Variants in IL1RAPL2 observed in about 807,000 individuals in gnomAD.
The protein encoded by IL1RAPL2 is X-linked interleukin-1 receptor accessory protein-like 2.
A neutral mutation model predicts 44.1 loss-of-function variants in IL1RAPL2; 3 were observed. The ratio of observed to expected loss-of-function variants is 0.07; its 90% CI spans 0.03 to 0.18. IL1RAPL2 has a LOEUF of 0.18. Among genes scored for constraint, IL1RAPL2 ranks in the 10% least tolerant of loss-of-function variants. The pLI is 1.00. For synonymous variants in IL1RAPL2, 181 were observed against 178.8 expected, an observed-to-expected ratio of 1.01 and a Z score of -0.10; for missense variants, 391 against 496.4, an observed-to-expected ratio of 0.79 and a Z score of 2.02.
chrX:104,629,266 C>T (rs1929584251), intron 1 of IL1RAPL2, among the ~76,000 whole-genome samples: 1 of 111,626 alleles, frequency 9.0e-6, no homozygotes, highest in African/African-American at 3.2e-5. Context: ...ATTTGCATTT[C>T]CATGATGATT....
rs1355717550 is a variant in IL1RAPL2 at position 104,720,710 on chromosome X, T to TA, written c.82+61716dup. Among the ~76,000 whole-genome samples, 20 of 111,842 alleles carry TA rather than the reference T, an allele frequency of 1.8e-4. No homozygotes were observed. The East Asian group carries it at 5.7e-3, about 32-fold the overall frequency. On this transcript the variant is annotated intron_variant, in intron 2 of 10. Coordinates refer to ENST00000372582, the MANE Select transcript of IL1RAPL2 (RefSeq NM_017416.2). ...AACAGCTTTGCTGTACCTTGAACTA[T>TA]ACCCCTTTATGGTTCATGTAGCAGG...
chrX:104,906,229 A>G (rs943530199), intron 2 of IL1RAPL2, among the ~76,000 whole-genome samples: 30 of 111,628 alleles, frequency 2.7e-4, no homozygotes, highest in Non-Finnish European at 5.5e-4. Flanking sequence ...TTTTGTAGAT[A>G]TACAATCATG....
chrX:105,538,268 C>A (rs1277658472), intron 6 of IL1RAPL2, among the ~76,000 whole-genome samples: 1 of 109,676 alleles, frequency 9.1e-6, no homozygotes, highest in African/African-American at 3.3e-5. Context: ...GATCTCCTGA[C>A]CTCGTGATCT....
At chrX:105,576,665 C>T (rs1029757618) in intron 6 of IL1RAPL2, among the ~76,000 whole-genome samples, 2 of 111,830 alleles carry the variant, frequency 1.8e-5, no homozygotes, top group African/African-American at 6.5e-5. Context: ...GCAACACCTA[C>T]ATGACCCTAC....
At chrX:105,511,091 G>A (rs1463586394) in intron 6 of IL1RAPL2, among the ~76,000 whole-genome samples, 2 of 111,761 alleles carry the variant, frequency 1.8e-5, no homozygotes, top group Non-Finnish European at 1.9e-5. Flanking sequence ...CACTAGTGAA[G>A]TTGACCACTC....
intron 1 of IL1RAPL2, among the ~76,000 whole-genome samples, chrX:104,573,016 T>C (rs1928176113): frequency 8.9e-6 from 1 of 112,207 alleles, no homozygotes; most frequent in African/African-American, 3.2e-5. Flanking sequence ...TCTACTAAAT[T>C]TTAAACTTTT....
intron 6 of IL1RAPL2, among the ~76,000 whole-genome samples, chrX:105,641,321 G>T (rs1385089403): frequency 9.0e-6 from 1 of 110,990 alleles, no homozygotes; most frequent in Admixed American, 9.7e-5. Context: ...TTTTCTCTAT[G>T]CCAGGCACTC....
chrX:104,752,274 C>T (rs1009533924), intron 2 of IL1RAPL2, among the ~76,000 whole-genome samples: 11 of 104,237 alleles, frequency 1.1e-4, no homozygotes, highest in Non-Finnish European at 1.9e-4. Flanking sequence ...GTAATGTTGG[C>T]GTGAGAGTGT....
chrX:104,952,801 T>C (rs950798698), intron 2 of IL1RAPL2, among the ~76,000 whole-genome samples: 2 of 112,409 alleles, frequency 1.8e-5, no homozygotes, highest in African/African-American at 6.5e-5. Flanking sequence ...TAATTTAGCA[T>C]TTTATTCAGA....
chrX:105,643,380 C>A (rs776517334), intron 6 of IL1RAPL2, among the ~76,000 whole-genome samples: 1 of 111,529 alleles, frequency 9.0e-6, no homozygotes, highest in African/African-American at 3.3e-5. Context: ...CTGGTTGAAA[C>A]GGGCAAGCAG....
intron 2 of IL1RAPL2, among the ~76,000 whole-genome samples, chrX:104,816,969 T>C (rs1921153568): frequency 1.8e-5 from 2 of 112,905 alleles, no homozygotes; most frequent in African/African-American, 6.4e-5. Flanking sequence ...GACATATACA[T>C]TTATTTAACG....
At chrX:104,585,352 TTA>T (rs1491486052) in intron 1 of IL1RAPL2, among the ~76,000 whole-genome samples, 10 of 13,633 alleles carry the variant, frequency 7.3e-4, no homozygotes, top group African/African-American at 2.5e-3. Flanking sequence ...ATTATATATA[TTA>T]TATATATTAT....
At chrX:105,265,470 A>C (rs1374580894) in intron 4 of IL1RAPL2, among the ~76,000 whole-genome samples, 2 of 111,607 alleles carry the variant, frequency 1.8e-5, no homozygotes, top group Non-Finnish European at 3.8e-5. Flanking sequence ...CTCAGAAGCA[A>C]ATCTCAGATA....
chrX:104,607,992 A>G (rs954489240), intron 1 of IL1RAPL2, among the ~76,000 whole-genome samples: 2 of 112,169 alleles, frequency 1.8e-5, no homozygotes, highest in African/African-American at 3.2e-5. Context: ...ATGTCCATCA[A>G]TGATAGACTG....
intron 2 of IL1RAPL2, among the ~76,000 whole-genome samples, chrX:104,902,732 C>T (rs1263545698): frequency 9.0e-6 from 1 of 111,603 alleles, no homozygotes; most frequent in Non-Finnish European, 1.9e-5. Flanking sequence ...TTATAGGTAA[C>T]AGTTCCCAGC....
chrX:104,669,283 G>A (rs775989055), intron 2 of IL1RAPL2, among the ~76,000 whole-genome samples: 7 of 111,214 alleles, frequency 6.3e-5, no homozygotes, highest in South Asian at 3.8e-4. Context: ...CTGAGCATTC[G>A]GTGTTATTGG....
At chrX:104,579,827 A>G (rs1451352254) in intron 1 of IL1RAPL2, among the ~76,000 whole-genome samples, 2 of 111,610 alleles carry the variant, frequency 1.8e-5, no homozygotes, top group African/African-American at 6.5e-5. Context: ...TCTACTGGGG[A>G]GTTTTGAAGG....
At chrX:104,965,892 A>G (rs2030111553) in intron 2 of IL1RAPL2, among the ~76,000 whole-genome samples, 1 of 111,296 alleles carries the variant, frequency 9.0e-6, no homozygotes, top group Non-Finnish European at 1.9e-5. Context: ...AACTCATGAA[A>G]TATATAGGAA....
At chrX:104,630,142 C>A (rs1929605981) in intron 1 of IL1RAPL2, among the ~76,000 whole-genome samples, 1 of 74,324 alleles carries the variant, frequency 1.3e-5, no homozygotes. Context: ...TGCCACCACA[C>A]CTGGATAATT....
Sources: allele counts gnomAD v4.1 joint callset (sites outside exome capture counted in the v4.1 genomes callset), GRCh38; gene constraint gnomAD v4.1.1; transcripts MANE v1.5; gene names NCBI Gene and HGNC (gene_info 2026-07-23, HGNC 2026-07-21).